CAPRIN2: variants seen among roughly 807,000 people sequenced by gnomAD.
CAPRIN2 encodes caprin family member 2.
A neutral mutation model predicts 130.4 loss-of-function variants in CAPRIN2; 66 were observed. That is an observed-to-expected ratio of 0.51 (90% CI 0.42 to 0.62). CAPRIN2 has a LOEUF of 0.62. CAPRIN2 is among the 20% of genes least tolerant of loss of function. The pLI is 0.00. For synonymous variants in CAPRIN2, 471 were observed against 444.1 expected, an observed-to-expected ratio of 1.06 and a Z score of -0.76; for missense variants, 1,185 against 1,246.6, an observed-to-expected ratio of 0.95 and a Z score of 0.74.
chr12:30,740,337 T>C (rs967868807), intron 3 of CAPRIN2, among the ~76,000 whole-genome samples: 10 of 152,178 alleles, frequency 6.6e-5, no homozygotes, highest in African/African-American at 2.4e-4. Context: ...GATTATCTTA[T>C]GAGGCATGCT....
chr12:30,750,287 A>C (rs750762236), intron 2 of CAPRIN2, among the ~76,000 whole-genome samples: 1 of 152,186 alleles, frequency 6.6e-6, no homozygotes, highest in African/African-American at 2.4e-5. Context: ...GTATAGCGAA[A>C]GATTTCAGTT....
chr12:30,723,076 T>C (rs1360900853), intron 11 of CAPRIN2, among the ~76,000 whole-genome samples, 183 bp downstream of exon 12: 1 of 152,246 alleles, frequency 6.6e-6, no homozygotes, highest in Non-Finnish European at 1.5e-5. Context: ...CTATATGTTT[T>C]CAGCATAGTC....
intron 15 of CAPRIN2, among the ~76,000 whole-genome samples, chr12:30,712,739 T>TA (rs1355754096): frequency 4.3e-4 from 27 of 62,070 alleles, no homozygotes; most frequent in African/African-American, 1.6e-3. Context: ...CACTCTTTTT[T>TA]TTTTTTTTTT....
chr12:30,712,254 T>C (rs1476852165), intron 15 of CAPRIN2, among the ~76,000 whole-genome samples: 2 of 151,998 alleles, frequency 1.3e-5, no homozygotes, highest in South Asian at 4.1e-4. Context: ...TTATATGCAA[T>C]AAAAATTGAA....
intron 15 of CAPRIN2, among the ~76,000 whole-genome samples, chr12:30,711,954 T>A (rs1453626544): frequency 6.6e-6 from 1 of 152,186 alleles, no homozygotes; most frequent in African/African-American, 2.4e-5. Flanking sequence ...TGGTCCTCTG[T>A]CCCTCATCTC....
chr12:30,715,692 A>G (rs539032536), intron 13 of CAPRIN2: 1 of 213,640 alleles, frequency 4.7e-6, no homozygotes, highest in Non-Finnish European at 9.6e-6. Flanking sequence ...CTTTACGACA[A>G]TTTTTAAAAA....
exon 8 of CAPRIN2, chr12:30,729,167 C>A: frequency 6.2e-7 from 1 of 1,614,042 alleles, no homozygotes; most frequent in Non-Finnish European, 8.5e-7. Flanking sequence ...CCTCCCAGGA[C>A]TTAAAGGACT....
intron 13 of CAPRIN2, 141 bp from the exon 16 acceptor site, chr12:30,715,282 T>A (rs956862406): frequency 3.0e-6 from 2 of 670,770 alleles, no homozygotes; most frequent in African/African-American, 3.6e-5. Flanking sequence ...ATGTATATAA[T>A]TCATCTACAT....
At chr12:30,727,540 T>C (rs2137619788) in intron 8 of CAPRIN2, among the ~76,000 whole-genome samples, 1 of 152,286 alleles carries the variant, frequency 6.6e-6, no homozygotes, top group African/African-American at 2.4e-5. Flanking sequence ...AAGCACAAGT[T>C]CACATATCTC....
At chr12:30,740,554 C>T (rs2066985336) in intron 3 of CAPRIN2, among the ~76,000 whole-genome samples, 1 of 152,136 alleles carries the variant, frequency 6.6e-6, no homozygotes, top group South Asian at 2.1e-4. Context: ...CCAGATTTAA[C>T]TCTATTTAAC....
intron 13 of CAPRIN2, chr12:30,716,176 G>A (rs1047694913): frequency 4.2e-5 from 10 of 237,056 alleles, no homozygotes; most frequent in Non-Finnish European, 7.3e-5. Context: ...TTAACAGAAT[G>A]GTTTCAAAAC....
At chr12:30,738,608 G>C (rs2065931185) in intron 3 of CAPRIN2, among the ~76,000 whole-genome samples, 1 of 152,126 alleles carries the variant, frequency 6.6e-6, no homozygotes, top group Admixed American at 6.5e-5. Flanking sequence ...ACCATCAACA[G>C]AGTAAACAGA....
At chr12:30,753,323 G>C (rs1281460790) in intron 1 of CAPRIN2, 21 bp downstream of exon 2, 4 of 1,583,326 alleles carry the variant, frequency 2.5e-6, no homozygotes, top group Non-Finnish European at 3.4e-6. Flanking sequence ...GCATCTACAG[G>C]ACTGGAAGAA....
At chr12:30,724,306 A>G (rs2060250595) in intron 10 of CAPRIN2, 64 bp downstream of exon 11, 1 of 954,980 alleles carries the variant, frequency 1.0e-6, no homozygotes, top group African/African-American at 1.6e-5. Flanking sequence ...ATTTGAAAAG[A>G]CAACAACAAC....
Position 30,731,499 on chromosome 12 carries a change from T to A in CAPRIN2, c.904A>T (p.Lys302Ter). The change falls in exon 6 of 17, where the codon AAG (lysine) becomes TAG (stop). Residue 302 changes from lysine (K) to a stop codon, truncating the protein, a stop_gained. Transcript: ENST00000298892. LOFTEE classifies it high-confidence loss of function. ...TTCAGCAATTTAGACAGTAGATCCTTCAAGTGTTTGTCTAAGAAAGAGTGA... is the reference window on the plus strand; with the variant it reads ...TTCAGCAATTTAGACAGTAGATCCTACAAGTGTTTGTCTAAGAAAGAGTGA... 1 of 1,612,296 alleles carries A rather than the reference T, an allele frequency of 6.2e-7. No individual in the cohort carries two copies. Among genetic ancestry groups the A allele is most frequent in the Non-Finnish European group, 8.5e-7 (1 of 1,178,958 alleles).
chr12:30,731,683 G>C (rs962255598), intron 5 of CAPRIN2, among the ~76,000 whole-genome samples, 173 bp from the exon 7 acceptor site: 1 of 152,006 alleles, frequency 6.6e-6, no homozygotes, highest in African/African-American at 2.4e-5. Context: ...GTACTGACTG[G>C]AGAACTTGTC....
In CAPRIN2 at chr12:30,726,087, A is replaced by G. The variant is rs750904070; in HGVS notation, c.1784T>C (p.Val595Ala). Residue 595 changes from valine to alanine, a missense_variant and splice_region_variant, in exon 9 of 17, where the codon GTG (valine) becomes GCG (alanine). Physicochemically the swap from Val to Ala is moderately conservative, Grantham distance 64. This residue lies in a region of CAPRIN2 where 1,104 missense variants were observed against 1,104.3 expected (regional missense o/e 1.00). Transcript: ENST00000298892. ...TACAGGCTGATGCACAGGCTTAGGC[A>G]CCTACAAGATAAACCCATAATGTGT... The G allele has an allele frequency of 4.6e-6, 7 of 1,530,994 alleles. No individual in the cohort carries two copies. In the South Asian group the frequency reaches 9.1e-5, roughly 20 times the overall value. 94.8% of individuals were successfully genotyped at this position (1,530,994 alleles called of 1,614,324 possible).
exon 8 of CAPRIN2, chr12:30,728,684 C>A (rs1168055340): frequency 6.2e-7 from 1 of 1,612,682 alleles, no homozygotes; most frequent in Non-Finnish European, 8.5e-7. Context: ...TGGGCAGCAG[C>A]TGGTCATTTG....
rs186966376 is a variant in CAPRIN2, at chr12:30,722,153, G to A, written c.2043+1106C>T. Among the ~76,000 whole-genome samples the A allele has an allele frequency of 8.5e-5, 13 of 152,302 alleles. No individual in the cohort carries two copies. The East Asian group carries it at 2.5e-3, about 29-fold the overall frequency. On this transcript the variant is annotated intron_variant, in intron 11 of 16. Coordinates refer to ENST00000298892, the Ensembl canonical transcript of CAPRIN2. The stretch of plus-strand genomic sequence containing the variant: ...GTTAAAAGGTTCATTTAATAACAAA[G>A]ACATTTACATTAGTATTTAGTTAGA...
Sources: gnomAD v4.1 joint callset for allele counts (sites outside exome capture counted in the v4.1 genomes callset) on GRCh38, gnomAD v4.1.1 for gene constraint, gnomAD v4.1.1 regional missense constraint, MANE v1.5 for transcripts, NCBI Gene and HGNC (gene_info 2026-07-23, HGNC 2026-07-21) for gene names.